Variants in NNT observed in about 807,000 individuals in gnomAD.
NNT encodes NAD(P) transhydrogenase, mitochondrial.
A neutral mutation model predicts 104.8 loss-of-function variants in NNT; 50 were observed. The ratio of observed to expected loss-of-function variants is 0.48; its 90% confidence interval spans 0.38 to 0.60. The LOEUF (loss-of-function observed/expected upper bound fraction) is 0.60. Ranked by LOEUF, NNT falls within the 20% of genes least tolerant of loss-of-function variation. The pLI is 0.00. For synonymous variants in NNT, 461 were observed against 490.4 expected, an observed-to-expected ratio of 0.94 and a Z score of 0.79; for missense variants, 1,131 against 1,330.7, an observed-to-expected ratio of 0.85 and a Z score of 2.33.
intron 19 of NNT, among the ~76,000 whole-genome samples, chr5:43,693,991 T>C (rs930566688): frequency 1.3e-5 from 2 of 152,218 alleles, no homozygotes; most frequent in African/African-American, 2.4e-5. Context: ...ACCTATTTAG[T>C]CTTTGTGTCC....
At chr5:43,618,935 C>A in intron 4 of NNT, 97 bp from the exon 5 acceptor site, 1 of 658,206 alleles carries the variant, frequency 1.5e-6, no homozygotes, top group South Asian at 4.4e-5. Context: ...AGCTATTATT[C>A]TTTGACAAAA....
At chr5:43,703,694 G>C (rs972077383) in intron 21 of NNT, among the ~76,000 whole-genome samples, 1 of 152,114 alleles carries the variant, frequency 6.6e-6, no homozygotes, top group African/African-American at 2.4e-5. Flanking sequence ...CAATATTATA[G>C]ATTGACTTAC....
At chr5:43,651,978 C>G (rs1739793308) in intron 13 of NNT, 94 bp downstream of exon 13, 5 of 1,311,812 alleles carry the variant, frequency 3.8e-6, no homozygotes, top group Non-Finnish European at 5.4e-6. Flanking sequence ...AAGTATCGAG[C>G]AAATACAACT....
In NNT at chr5:43,650,724, ATTAG is replaced by A. The variant is rs551733850; in HGVS notation, c.1717+141_1717+144del. ...CCGTAAATGCTCTTTTTGCAGGAAA[ATTAG>A]TTATTTTGCCCATCTGTAATTTTTA... On this transcript the variant is annotated intron_variant, in intron 12 of 21. Coordinates refer to ENST00000344920, the MANE Select transcript of NNT (RefSeq NM_182977.3). The A allele has an allele frequency of 2.4e-4, 146 of 598,716 alleles. 1 individual carries two copies. In the East Asian group the frequency reaches 4.1e-3, roughly 17 times the overall value. The allele number at this position is 598,716 out of a possible 1,614,324, so 37.1% of individuals were successfully genotyped here.
At chr5:43,659,097 G>T in intron 16 of NNT, 74 bp from the exon 17 acceptor site, 2 of 1,389,530 alleles carry the variant, frequency 1.4e-6, no homozygotes, top group Non-Finnish European at 1.9e-6. Flanking sequence ...AATAATTAAG[G>T]AGCAAAATGT....
At chr5:43,624,231 A>G (rs1318066409) in intron 6 of NNT, 111 bp downstream of exon 6, 1 of 877,466 alleles carries the variant, frequency 1.1e-6, no homozygotes, top group Non-Finnish European at 1.9e-6. Context: ...ACTGGTCTAT[A>G]AGCTCTTTCC....
chr5:43,647,792 T>A lies in NNT; in HGVS notation c.1445-1355T>A. 5 of 370,110 alleles carry A rather than the reference T, an allele frequency of 1.4e-5. 1 individual carries two copies. Among genetic ancestry groups the A allele is most frequent in the South Asian group, 1.1e-4 (5 of 46,968 alleles). 22.9% of individuals were successfully genotyped at this position (370,110 alleles called of 1,614,324 possible). ...GTGGATTGTGATAAGGTAGTGCTTC[T>A]TGACTAATGTGGTCATGATAATAGC... is the stretch of plus-strand genomic sequence containing the variant. On this transcript the variant is annotated intron_variant, in intron 10 of 21. Transcript: ENST00000344920.
In NNT at chr5:43,644,812, G is replaced by C. The variant is rs374477817; in HGVS notation, c.1290+10G>C. 1 of 1,599,252 alleles carries C rather than the reference G, an allele frequency of 6.3e-7. No homozygotes were observed. The highest frequency in any genetic ancestry group is 8.5e-7 in the Non-Finnish European group (1 of 1,169,594). ...AACTGTAGTGATGAAAGTAAGTAAA[G>C]AGATCTATTCCTTCCTTTGCTTTTA... On this transcript the variant is annotated intron_variant, in intron 9 of 21. Transcript: ENST00000344920.
Position 43,619,021 on chromosome 5 carries a change from T to C in NNT, c.600-11T>C. 1.4e-6 allele frequency: 2 copies of C among 1,404,454 alleles called. No homozygotes were observed. Among genetic ancestry groups the C allele is most frequent in the Non-Finnish European group, 1.9e-6 (2 of 1,050,756 alleles). 87.0% of individuals were successfully genotyped at this position (1,404,454 alleles called of 1,614,324 possible). A position where few individuals can be genotyped will look rare whatever the true frequency, so the allele number is the denominator to read the frequency against. On this transcript the variant is annotated splice_polypyrimidine_tract_variant and intron_variant, in intron 4 of 21. Transcript: ENST00000344920. ...GGAATTATTTATTTATTTATTTATT[T>C]ATTTTTAAAGTTATAAGGCTGTTGT...
intron 17 of NNT, among the ~76,000 whole-genome samples, chr5:43,675,060 A>C (rs1741339580): frequency 6.6e-6 from 1 of 152,200 alleles, no homozygotes. Flanking sequence ...AGAGGGCAGC[A>C]AAATTCTAGA....
chr5:43,673,032 G>A (rs886348323), intron 17 of NNT, among the ~76,000 whole-genome samples: 4 of 152,166 alleles, frequency 2.6e-5, no homozygotes, highest in Admixed American at 2.0e-4. Context: ...TCGATCTCAG[G>A]CTGCTGTGCT....
At chr5:43,641,046 A>G (rs1751204276) in intron 7 of NNT, among the ~76,000 whole-genome samples, 1 of 151,902 alleles carries the variant, frequency 6.6e-6, no homozygotes, top group Non-Finnish European at 1.5e-5. Context: ...TCTAGAGTTT[A>G]ACTTATGGTA....
At chr5:43,640,809 A>T (rs1751193264) in intron 7 of NNT, among the ~76,000 whole-genome samples, 1 of 150,564 alleles carries the variant, frequency 6.6e-6, no homozygotes, top group Admixed American at 6.6e-5. Context: ...TACATTTTTC[A>T]TATATATCAT....
chr5:43,636,811 G>T (rs543792311), intron 7 of NNT, among the ~76,000 whole-genome samples: 59 of 152,160 alleles, frequency 3.9e-4, no homozygotes, highest in Admixed American at 9.2e-4. Flanking sequence ...ACAGAATTTT[G>T]CAGCTATGAG....
intron 18 of NNT, among the ~76,000 whole-genome samples, chr5:43,675,961 G>C (rs1397098992): frequency 6.6e-6 from 1 of 151,872 alleles, no homozygotes; most frequent in African/African-American, 2.4e-5. Flanking sequence ...TCTTCTCATT[G>C]GTAATTTTTG....
At chr5:43,635,928 T>C (rs1045211013) in intron 7 of NNT, among the ~76,000 whole-genome samples, 11 of 152,170 alleles carry the variant, frequency 7.2e-5, no homozygotes, top group Non-Finnish European at 1.6e-4. Context: ...ATTCAGCCCA[T>C]AACAAATGTA....
chr5:43,687,369 A>T (rs994719369), intron 19 of NNT, among the ~76,000 whole-genome samples: 2 of 152,166 alleles, frequency 1.3e-5, no homozygotes, highest in African/African-American at 4.8e-5. Context: ...TAGGCTTTGC[A>T]TGTTGAAATT....
intron 17 of NNT, among the ~76,000 whole-genome samples, 198 bp downstream of exon 17, chr5:43,659,548 G>A (rs1404084926): frequency 1.3e-5 from 2 of 150,840 alleles, no homozygotes; most frequent in Non-Finnish European, 2.9e-5. Context: ...GCCCAAGATA[G>A]TAAAACCCTG....
rs368650147 is a variant in NNT at position 43,651,792 on chromosome 5, C to A, written c.1771C>A (p.Pro591Thr). The A allele has an allele frequency of 1.9e-6, 3 of 1,614,022 alleles. No individual in the cohort carries two copies. Among genetic ancestry groups the A allele is most frequent in the East Asian group, 2.2e-5 (1 of 44,860 alleles). ...GGACATGTTCAAGCGTCCCACTGAC[C>A]CCCCAGAATACAACTACCTGTACCT... is the stretch of plus-strand genomic sequence containing the variant. ...MLDMFKRPTD[P>T]PEYNYLYLLP... The change falls in exon 13 of 22, where the codon CCC becomes ACC. Residue 591 changes from proline (P) to threonine (T), a missense_variant. Pro to Thr is a conservative substitution (Grantham distance 38). Transcript: ENST00000344920.
Sources: gnomAD v4.1 joint callset for allele counts (sites outside exome capture counted in the v4.1 genomes callset) on GRCh38, gnomAD v4.1.1 for gene constraint, MANE v1.5 for transcripts, NCBI Gene and HGNC (gene_info 2026-07-23, HGNC 2026-07-21) for gene names.